Variants in TENM2 observed in about 807,000 individuals in gnomAD.
TENM2 encodes teneurin-2.
A neutral mutation model predicts 245.2 loss-of-function variants in TENM2; 52 were observed. That is an observed-to-expected ratio of 0.21 (90% confidence interval 0.17 to 0.27). The LOEUF (loss-of-function observed/expected upper bound fraction) is 0.27, where lower values mean the gene tolerates loss of function less well. Ranked by LOEUF, TENM2 falls within the 10% of genes least tolerant of loss-of-function variation. TENM2 has a pLI of 1.00. For synonymous variants in TENM2, 1,363 were observed against 1,438.9 expected (o/e 0.95, Z 1.19); for missense variants, 3,046 against 3,666.8 (o/e 0.83, Z 4.37).
the TENM2 span, among the ~76,000 whole-genome samples, chr5:167,161,575 A>G: frequency 6.6e-6 from 1 of 152,226 alleles, no homozygotes; most frequent in Non-Finnish European, 1.5e-5. Flanking sequence ...CAAACTAAAT[A>G]AAGTTAAATT....
chr5:168,010,840 C>T (rs1785166234), intron 5 of TENM2, among the ~76,000 whole-genome samples: 2 of 152,190 alleles, frequency 1.3e-5, no homozygotes, highest in South Asian at 4.1e-4. Flanking sequence ...AACGAATGCC[C>T]CTCCGCATAT....
chr5:168,190,696 T>C (rs1760878761), intron 14 of TENM2, 149 bp downstream of exon 16: 1 of 631,340 alleles, frequency 1.6e-6, no homozygotes, highest in Non-Finnish European at 2.8e-6. Flanking sequence ...CTCAGAGAAG[T>C]GCCCTTTCCT....
chr5:167,127,028 C>T, the TENM2 span, among the ~76,000 whole-genome samples: 1 of 150,972 alleles, frequency 6.6e-6, no homozygotes, highest in Admixed American at 6.6e-5. Context: ...TTTTCACCTG[C>T]CTTTATACTT....
At chr5:167,918,077 G>A (rs79292526) in intron 3 of TENM2, among the ~76,000 whole-genome samples, 80 of 152,186 alleles carry the variant, frequency 5.3e-4, no homozygotes, top group Non-Finnish European at 9.6e-4. Context: ...TTAGTGCTCC[G>A]TGAAGGTTAA....
chr5:167,079,949 C>T, the TENM2 span, among the ~76,000 whole-genome samples: 1 of 152,132 alleles, frequency 6.6e-6, no homozygotes, highest in Non-Finnish European at 1.5e-5. Context: ...CTTCTACAAC[C>T]ATGTCTTAAA....
At chr5:167,115,645 G>A in the TENM2 span, among the ~76,000 whole-genome samples, 1 of 152,114 alleles carries the variant, frequency 6.6e-6, no homozygotes, top group African/African-American at 2.4e-5. Flanking sequence ...GTTTGATTCT[G>A]TTACAATAAG....
chr5:167,874,164 C>T (rs1270318836), intron 2 of TENM2, among the ~76,000 whole-genome samples: 7 of 152,164 alleles, frequency 4.6e-5, no homozygotes, highest in Non-Finnish European at 1.0e-4. Flanking sequence ...TTTTCTCTGT[C>T]CCCACAGCAC....
chr5:167,515,227 A>G (rs575924111), intron 2 of TENM2, among the ~76,000 whole-genome samples: 2 of 152,114 alleles, frequency 1.3e-5, no homozygotes, highest in Non-Finnish European at 2.9e-5. Flanking sequence ...TAACAACCAT[A>G]TAGGCTTCAG....
At chr5:167,729,296 T>C (rs1760252362) in intron 2 of TENM2, among the ~76,000 whole-genome samples, 1 of 152,246 alleles carries the variant, frequency 6.6e-6, no homozygotes, top group Non-Finnish European at 1.5e-5. Context: ...GAAAGAGCTA[T>C]TATTATTAAG....
intron 2 of TENM2, among the ~76,000 whole-genome samples, chr5:167,744,834 CAAAACAA>C (rs1027780534): frequency 2.0e-5 from 3 of 152,176 alleles, no homozygotes; most frequent in African/African-American, 7.2e-5. Flanking sequence ...CAAAACAAAA[CAAAACAA>C]AACAAAAAAA....
intron 21 of TENM2, among the ~76,000 whole-genome samples, 196 bp downstream of exon 23, chr5:168,215,468 A>G (rs1412165562): frequency 6.6e-6 from 1 of 152,154 alleles, no homozygotes; most frequent in Non-Finnish European, 1.5e-5. Context: ...GGAGATGGAG[A>G]CTATCCTGGC....
Position 168,244,609 on chromosome 5 carries a change from C to A in TENM2, c.5710C>A (p.Leu1904Ile). ...CTTCTTCAATGGGCGCCTGGCTGGGCTTCAGCGTGGGGCCATGAGCGAGAG... is the reference window on the plus strand; with the variant it reads ...CTTCTTCAATGGGCGCCTGGCTGGGATTCAGCGTGGGGCCATGAGCGAGAG... The change falls in exon 26 of 29, where the codon CTT becomes ATT. Residue 1904 changes from leucine to isoleucine, a missense_variant. This residue lies in a region of TENM2 where 2,704 missense variants were observed against 3,331.9 expected (regional missense o/e 0.81). Transcript: ENST00000518659. The surrounding 1 kb of genome is among the most constrained non-coding windows in gnomAD (Gnocchi z 4.9). 6.2e-7 allele frequency: 1 copy of A among 1,604,682 alleles called. No individual in the cohort carries two copies. The highest frequency in any genetic ancestry group is 1.1e-5 in the South Asian group (1 of 89,972).
intron 2 of TENM2, among the ~76,000 whole-genome samples, chr5:167,659,811 G>T (rs1755087217): frequency 6.6e-6 from 1 of 152,130 alleles, no homozygotes; most frequent in South Asian, 2.1e-4. Flanking sequence ...CATACAAAAA[G>T]CACATCTGCC....
At chr5:167,702,897 C>G (rs1424221516) in intron 2 of TENM2, among the ~76,000 whole-genome samples, 1 of 151,828 alleles carries the variant, frequency 6.6e-6, no homozygotes, top group Non-Finnish European at 1.5e-5. Flanking sequence ...ACTCCTGACC[C>G]CATGATTCGC....
At chr5:167,175,219 T>C in the TENM2 span, among the ~76,000 whole-genome samples, 1 of 152,180 alleles carries the variant, frequency 6.6e-6, no homozygotes, top group Non-Finnish European at 1.5e-5. Flanking sequence ...TTTAAATATT[T>C]TTGTCTGTTT....
the TENM2 span, among the ~76,000 whole-genome samples, chr5:167,071,878 G>GCCCCCCCCCCCCCCCCCCCACCCCC: frequency 8.1e-6 from 1 of 124,026 alleles, no homozygotes; most frequent in Non-Finnish European, 1.7e-5. Context: ...TTGACAAATC[G>GCCCCCCCCCCCCCCCCCCCACCCCC]CCCCCCCCCG....
chr5:167,896,082 G>A (rs529350920), intron 3 of TENM2, among the ~76,000 whole-genome samples: 58 of 152,350 alleles, frequency 3.8e-4, no homozygotes, highest in African/African-American at 1.4e-3. Context: ...CAGCAGGTCA[G>A]GCAGTCTGAT....
the TENM2 span, among the ~76,000 whole-genome samples, chr5:167,057,316 A>G: frequency 1.3e-5 from 2 of 151,998 alleles, no homozygotes; most frequent in Non-Finnish European, 2.9e-5. Flanking sequence ...TATTCTAACA[A>G]CCCTGCCATC....
At chr5:168,043,454 T>G (rs1788367412) in intron 5 of TENM2, among the ~76,000 whole-genome samples, 2 of 152,206 alleles carry the variant, frequency 1.3e-5, no homozygotes, top group Admixed American at 6.5e-5. Flanking sequence ...ACATTTACAG[T>G]GCTGTTTTTT....
Sources: allele counts gnomAD v4.1 joint callset (sites outside exome capture counted in the v4.1 genomes callset), GRCh38; gene constraint gnomAD v4.1.1; regional missense constraint gnomAD v4.1.1; non-coding constraint Gnocchi (gnomAD v3.1); transcripts MANE v1.5; gene names NCBI Gene and HGNC (gene_info 2026-07-23, HGNC 2026-07-21).